The following RNF145 variants were observed in gnomAD, a reference collection of about 807,000 sequenced individuals.
The protein encoded by RNF145 is ring finger protein 145.
In RNF145, 12 loss-of-function variants were observed where a neutral mutation model predicts 57.3. That is an observed-to-expected ratio of 0.21 (90% CI 0.13 to 0.34). The LOEUF (loss-of-function observed/expected upper bound fraction) is 0.34. RNF145 is among the 10% of genes least tolerant of loss of function. RNF145 has a pLI of 1.00. For missense variants in RNF145, 429 were observed against 799.0 expected, an observed-to-expected ratio of 0.54 and a Z score of 5.58; for synonymous variants, 262 against 288.3, an observed-to-expected ratio of 0.91 and a Z score of 0.92.
At chr5:159,163,198 C>A in intron 8 of RNF145, 119 bp from the exon 9 acceptor site, 2 of 894,280 alleles carry the variant, frequency 2.2e-6, no homozygotes, top group East Asian at 2.5e-5. Context: ...ACTGAACACC[C>A]TTCTCCATGC....
intron 9 of RNF145, 40 bp from the exon 10 acceptor site, chr5:159,161,662 T>C (rs780019659): frequency 1.7e-6 from 2 of 1,175,610 alleles, no homozygotes; most frequent in Non-Finnish European, 2.5e-6. Context: ...TGAAATATGA[T>C]CACTAAGATA....
At chr5:159,163,832 C>T (rs184689712) in intron 8 of RNF145, among the ~76,000 whole-genome samples, 1 of 152,196 alleles carries the variant, frequency 6.6e-6, no homozygotes, top group Non-Finnish European at 1.5e-5. Flanking sequence ...TAACTGCCCT[C>T]TCAGCAAAAC....
At chr5:159,193,388 G>A (rs1356676191) in intron 3 of RNF145, among the ~76,000 whole-genome samples, 1 of 152,148 alleles carries the variant, frequency 6.6e-6, no homozygotes, top group African/African-American at 2.4e-5. Flanking sequence ...AATCAACCAG[G>A]AAGGAATAAA....
At chr5:159,203,366 C>CA in intron 2 of RNF145, 68 bp downstream of exon 2, 1 of 1,120,156 alleles carries the variant, frequency 8.9e-7, no homozygotes, top group Non-Finnish European at 1.3e-6. Flanking sequence ...TACCCAAATT[C>CA]AAAAAGATAC....
rs1266126296 is a variant in RNF145 at position 159,209,544 on chromosome 5, G to C, written c.-353C>G. 2.0e-6 allele frequency: 2 copies of C among 981,288 alleles called. No individual in the cohort carries two copies. Among genetic ancestry groups the C allele is most frequent in the African/African-American group, 3.5e-5 (2 of 56,550 alleles). The allele number at this position is 981,288 out of a possible 1,614,324, so 60.8% of individuals were successfully genotyped here. On this transcript the variant is annotated 5_prime_UTR_variant, in exon 1 of 11. Transcript: ENST00000424310. Reference sequence around the variant, plus strand: ...TCCTGCGTTTGCTCCTCCCGCCCCCGGCGCTCTGCGGCGGCCGCGGCCCGA... The same window carrying C: ...TCCTGCGTTTGCTCCTCCCGCCCCCCGCGCTCTGCGGCGGCCGCGGCCCGA...
chr5:159,209,772 A>G, upstream of RNF145: 1 of 1,368,786 alleles, frequency 7.3e-7, no homozygotes, highest in Non-Finnish European at 1.0e-6. Context: ...CTGGACGCGC[A>G]CTGTGACAGG....
chr5:159,174,200 T>C (rs1051490678), intron 5 of RNF145, 42 bp from the exon 6 acceptor site: 1 of 1,388,080 alleles, frequency 7.2e-7, no homozygotes, highest in Non-Finnish European at 9.9e-7. Flanking sequence ...TGCATCACCA[T>C]CAATAAACAC....
intron 2 of RNF145, among the ~76,000 whole-genome samples, chr5:159,202,181 G>C (rs1017743321): frequency 1.3e-5 from 2 of 152,140 alleles, no homozygotes; most frequent in Admixed American, 6.5e-5. Context: ...TCAGGCAGCT[G>C]TTTTTATAAT....
In RNF145 at chr5:159,158,994, G is replaced by A; in HGVS notation, c.1668C>T (p.Phe556=). 1.2e-6 allele frequency: 2 copies of A among 1,613,368 alleles called. No homozygotes were observed. The highest frequency in any genetic ancestry group is 1.7e-6 in the Non-Finnish European group (2 of 1,179,658). Residue 556 remains phenylalanine, a synonymous_variant, in exon 11 of 11, where the codon TTC becomes TTT. Transcript: ENST00000424310. The part of the protein sequence containing the change: ...SAVITPCSHF[F]HAGCLKKWLY... ...GCCATTTCTTAAGACAGCCTGCATG[G>A]AAAAAATGACTGCAAGGCGTGATCA...
At position 159,161,542 on chromosome 5, in the gene RNF145, G is replaced by C. The variant is rs748229151; in HGVS notation, c.1350C>G (p.Val450=). ...GGTAAGTGCCATTCACATAGTAGAT[G>C]ACATCATCCATGTTTTCCACTGGCT... ...RKEPVENMDD[V]IYYVNGTYRL... Residue 450 remains valine (V), a synonymous_variant, in exon 10 of 11, where the codon GTC becomes GTG. Coordinates refer to ENST00000424310, the MANE Select transcript of RNF145 (RefSeq NM_001199383.2). 63 of 1,613,480 alleles carry C rather than the reference G, an allele frequency of 3.9e-5. No homozygotes were observed. In the Middle Eastern group the frequency reaches 9.9e-4, roughly 25 times the overall value.
chr5:159,192,659 G>A (rs1399365952), intron 3 of RNF145, among the ~76,000 whole-genome samples: 1 of 152,276 alleles, frequency 6.6e-6, no homozygotes, highest in Admixed American at 6.5e-5. Flanking sequence ...TGTGGTAAGA[G>A]CTTTATATAC....
At chr5:159,207,995 T>C (rs1584718653) in intron 1 of RNF145, 1 of 1,553,466 alleles carries the variant, frequency 6.4e-7, no homozygotes, top group Admixed American at 1.9e-5. Flanking sequence ...TTTTAAAAAA[T>C]AAAAAGACAC....
At chr5:159,197,187 G>T (rs1785489815) in intron 2 of RNF145, among the ~76,000 whole-genome samples, 1 of 152,192 alleles carries the variant, frequency 6.6e-6, no homozygotes, top group South Asian at 2.1e-4. Flanking sequence ...AAGGTGAATG[G>T]TTCTTTACCA....
chr5:159,206,803 T>G (rs913547734), intron 1 of RNF145, among the ~76,000 whole-genome samples: 1 of 152,102 alleles, frequency 6.6e-6, no homozygotes, highest in Non-Finnish European at 1.5e-5. Flanking sequence ...ATACATAAAC[T>G]TCCTATACTG....
intron 1 of RNF145, among the ~76,000 whole-genome samples, chr5:159,205,416 T>C (rs1293832117): frequency 6.6e-6 from 1 of 152,118 alleles, no homozygotes; most frequent in Non-Finnish European, 1.5e-5. Context: ...TCAAAGCCCA[T>C]GATATTATTA....
At chr5:159,177,024 C>T (rs1418210389) in intron 4 of RNF145, among the ~76,000 whole-genome samples, 157 bp from the exon 5 acceptor site, 1 of 152,084 alleles carries the variant, frequency 6.6e-6, no homozygotes, top group Non-Finnish European at 1.5e-5. Flanking sequence ...TAAACTTCAT[C>T]TGACTATAAT....
At position 159,169,709 on chromosome 5, in the gene RNF145, C is replaced by T. The variant is rs150853320; in HGVS notation, c.908G>A (p.Arg303Gln). Residue 303 changes from arginine to glutamine, a missense_variant, in exon 7 of 11, where the codon CGA becomes CAA. Physicochemically the swap from Arg to Gln is conservative, Grantham distance 43. This residue lies in a region of RNF145 where 216 missense variants were observed against 457.6 expected (regional missense o/e 0.47). Transcript: ENST00000424310. ...CATGGCAGGATCATTCATGAAAGCT[C>T]GATAACCCTGCAAGTAAAACTTGCA... ...TLCKFYLQGYRAFMNDPAMNR... is the reference protein window; with the variant it reads ...TLCKFYLQGYQAFMNDPAMNR... 18 of 1,611,284 alleles carry T rather than the reference C, an allele frequency of 1.1e-5. No individual in the cohort carries two copies. The highest frequency in any genetic ancestry group is 1.4e-5 in the Non-Finnish European group (16 of 1,179,028).
At chr5:159,170,262 A>G (rs1382300506) in intron 6 of RNF145, among the ~76,000 whole-genome samples, 3 of 152,232 alleles carry the variant, frequency 2.0e-5, no homozygotes, top group African/African-American at 4.8e-5. Flanking sequence ...CCAAACTGCT[A>G]TGGAGCAGGG....
upstream of RNF145, chr5:159,209,873 A>G: frequency 6.5e-7 from 1 of 1,536,050 alleles, no homozygotes; most frequent in African/African-American, 1.4e-5. Flanking sequence ...CACGTGGGAG[A>G]ATTTGAAGGG....
Sources: allele counts gnomAD v4.1 joint callset (sites outside exome capture counted in the v4.1 genomes callset), GRCh38; gene constraint gnomAD v4.1.1; regional missense constraint gnomAD v4.1.1; transcripts MANE v1.5; gene names NCBI Gene and HGNC (gene_info 2026-07-23, HGNC 2026-07-21).